CROCC: variants seen among roughly 807,000 people sequenced by gnomAD.
The protein encoded by CROCC is ciliary rootlet coiled-coil, rootletin.
In CROCC, 180 loss-of-function variants were observed where a neutral mutation model predicts 245.2. That is an observed-to-expected ratio of 0.73 (90% CI 0.65 to 0.83). The LOEUF is 0.83. CROCC is among the 40% of genes least tolerant of loss of function. CROCC has a pLI of 0.00. For missense variants in CROCC, 2,688 were observed against 2,779.4 expected, an observed-to-expected ratio of 0.97 and a Z score of 0.74; for synonymous variants, 1,205 against 1,241.6, an observed-to-expected ratio of 0.97 and a Z score of 0.62.
At chr1:16,958,136 T>C (rs985975350) in intron 25 of CROCC, among the ~76,000 whole-genome samples, 2 of 152,152 alleles carry the variant, frequency 1.3e-5, no homozygotes, top group Non-Finnish European at 2.9e-5. Context: ...ATCTGTTAGA[T>C]AGGGATAATG....
At chr1:16,916,687 T>C (rs1251516678) in intron 1 of CROCC, among the ~76,000 whole-genome samples, 1 of 152,278 alleles carries the variant, frequency 6.6e-6, no homozygotes, top group Non-Finnish European at 1.5e-5. Flanking sequence ...TTTTTTTTAT[T>C]TTTTTGGCAG....
intron 13 of CROCC, among the ~76,000 whole-genome samples, chr1:16,942,789 T>C (rs7519123): frequency 0.99 from 150,289 of 152,402 alleles, 74,097 homozygotes; most frequent in African/African-American, 1. Flanking sequence ...CATCCCATTT[T>C]GCATTCTGCT....
At position 16,936,746 on chromosome 1, in the gene CROCC, G is replaced by C; in HGVS notation, c.1066G>C (p.Ala356Pro). Residue 356 changes from alanine to proline, a missense_variant, in exon 9 of 37, where the codon GCC becomes CCC. Physicochemically the swap from Ala to Pro is conservative, Grantham distance 27 (BLOSUM62 -1). Around this residue, in one of 9 missense-constraint regions of CROCC, gnomAD observed 972 missense variants for 895.3 expected, o/e 1.09. Transcript: ENST00000375541. Reference sequence around the variant, plus strand: ...GCTGGCAGAGAGCCGGGCCGAGGCAGCCCTGGAGAAACAGGCCCTGCTGCA... The same window carrying C: ...GCTGGCAGAGAGCCGGGCCGAGGCACCCCTGGAGAAACAGGCCCTGCTGCA... ...LRLAESRAEA[A>P]LEKQALLQAQ... The C allele has an allele frequency of 6.2e-7, 1 of 1,610,592 alleles. No homozygotes were observed. Among genetic ancestry groups the C allele is most frequent in the Non-Finnish European group, 8.5e-7 (1 of 1,179,238 alleles).
chr1:16,938,846 G>GC lies in CROCC; in HGVS notation c.1375-60dup, dbSNP rs567065140. ...CCCCCAGCCTCACCTGGGCGTCTTT[G>GC]CCCAGCTAACCCCGCGGTTCCTAAC... On this transcript the variant is annotated intron_variant, in intron 11 of 36. Transcript: ENST00000375541. 744 of 1,508,150 alleles carry GC rather than the reference G, an allele frequency of 4.9e-4. 1 individual carries two copies. The South Asian group carries it at 8.4e-3, about 17-fold the overall frequency. 93.4% of individuals were successfully genotyped at this position (1,508,150 alleles called of 1,614,324 possible).
chr1:16,944,298 C>T lies in CROCC; in HGVS notation c.1991+16C>T, dbSNP rs1245980654. 1.1e-5 allele frequency: 17 copies of T among 1,520,420 alleles called. No individual in the cohort carries two copies. Among genetic ancestry groups the T allele is most frequent in the Admixed American group, 2.0e-5 (1 of 49,834 alleles). The allele number at this position is 1,520,420 out of a possible 1,614,324, so 94.2% of individuals were successfully genotyped here. On this transcript the variant is annotated intron_variant, in intron 14 of 36. Coordinates refer to ENST00000375541, the MANE Select transcript of CROCC (RefSeq NM_014675.5). ...TTGAGCGCAGGTGAGCAGCATCTCG[C>T]CACCCTGCCAGGACCCTTCAGATGT...
At position 16,969,201 on chromosome 1, in the gene CROCC, AG is replaced by A; in HGVS notation, c.5167del (p.Ala1723ProfsTer9). ...GCCCTGGCTAAGGTGGAGGAAAGCG[AG>A]GGGGCCCTGCGGGACAAGGTGCGGG... is the stretch of plus-strand genomic sequence containing the variant. ...NGALAKVEESEGALRDKVRGL... is the reference protein window; with the variant it reads ...NGALAKVEESXGALRDKVRGL... On this transcript the variant is annotated frameshift_variant, in exon 32 of 37. Transcript: ENST00000375541. LOFTEE classifies it high-confidence loss of function. 6.2e-7 allele frequency: 1 copy of A among 1,610,500 alleles called. No individual in the cohort carries two copies. The highest frequency in any genetic ancestry group is 8.5e-7 in the Non-Finnish European group (1 of 1,177,736).
Position 16,924,322 on chromosome 1 carries a change from C to G in CROCC, c.197-3C>G. 6.2e-7 allele frequency: 1 copy of G among 1,611,626 alleles called. No individual in the cohort carries two copies. ...CAACCATGTGCCCACTGTCCCTTGC[C>G]AGTCCTGCTGCCGGCCACAGAGATG... On this transcript the variant is annotated splice_polypyrimidine_tract_variant and splice_region_variant and intron_variant, in intron 2 of 36. Coordinates refer to ENST00000375541, the MANE Select transcript of CROCC (RefSeq NM_014675.5).
chr1:16,946,193 C>T, intron 15 of CROCC, 66 bp from the exon 16 acceptor site: 1 of 1,551,746 alleles, frequency 6.4e-7, no homozygotes, highest in South Asian at 1.2e-5. Context: ...TGGGTCTCTT[C>T]TTGGGCCTCC....
At chr1:16,934,808 A>AT (rs920344464) in intron 8 of CROCC, among the ~76,000 whole-genome samples, 5 of 132,634 alleles carry the variant, frequency 3.8e-5, no homozygotes, top group Admixed American at 7.3e-5. Flanking sequence ...ATATATACAG[A>AT]TTTTTTCTTT....
chr1:16,957,102 T>C (rs1434448357), intron 25 of CROCC, among the ~76,000 whole-genome samples: 3 of 152,106 alleles, frequency 2.0e-5, no homozygotes, highest in Non-Finnish European at 4.4e-5. Flanking sequence ...TGAAAACCTG[T>C]CTCTACTAAA....
rs748252301 is a variant in CROCC at position 16,936,720 on chromosome 1, G to A, written c.1040G>A (p.Arg347Gln). ...GGCCTGGGACTGAGCACGGGCCTAC[G>A]GCTGGCAGAGAGCCGGGCCGAGGCA... ...EAGLGLSTGL[R>Q]LAESRAEAAL... The change falls in exon 9 of 37, where the codon CGG (arginine) becomes CAG (glutamine). Residue 347 changes from arginine (R) to glutamine (Q), a missense_variant. Physicochemically the swap from Arg to Gln is conservative, Grantham distance 43. Transcript: ENST00000375541. The A allele has an allele frequency of 1.5e-5, 24 of 1,607,432 alleles. No homozygotes were observed. Among genetic ancestry groups the A allele is most frequent in the South Asian group, 1.3e-4 (12 of 90,292 alleles).
At chr1:16,920,090 ATAT>A (rs2075371748), upstream of CROCC, among the ~76,000 whole-genome samples, 2 of 125,290 alleles carry the variant, frequency 1.6e-5, no homozygotes, top group African/African-American at 5.6e-5. Flanking sequence ...TTATTTATTT[ATAT>A]TTTTGAGACG....
chr1:16,930,101 C>T lies in CROCC; in HGVS notation c.538-23C>T, dbSNP rs1328257777. On this transcript the variant is annotated intron_variant, in intron 4 of 36. Transcript: ENST00000375541. ...TTGCCCCGCCCCAACCCCTGGGGCT[C>T]ACCATCAGCTCCCCATCCCCAGATT... The T allele has an allele frequency of 1.9e-6, 3 of 1,580,916 alleles. No individual in the cohort carries two copies. In the South Asian group the frequency reaches 3.5e-5, roughly 18 times the overall value.
intron 20 of CROCC, among the ~76,000 whole-genome samples, chr1:16,952,346 G>C (rs113248820): frequency 4.6e-5 from 7 of 151,986 alleles, no homozygotes; most frequent in Admixed American, 1.3e-4. Context: ...TTAGCTGGGC[G>C]TGGTGGCACG....
At chr1:16,935,946 C>G (rs1305021473) in intron 8 of CROCC, among the ~76,000 whole-genome samples, 1 of 152,262 alleles carries the variant, frequency 6.6e-6, no homozygotes, top group Non-Finnish European at 1.5e-5. Context: ...CCTATGCATG[C>G]ATAGTTTTCA....
chr1:16,970,517 C>T (rs2076499021), intron 34 of CROCC, 64 bp downstream of exon 34: 9 of 1,492,722 alleles, frequency 6.0e-6, no homozygotes, highest in East Asian at 2.4e-5. Context: ...GATCCCACTG[C>T]ACATCCCCAG....
Position 16,970,271 on chromosome 1 carries a change from G to C in CROCC, c.5470G>C (p.Glu1824Gln). Residue 1824 changes from glutamate (E) to glutamine (Q), a missense_variant, in exon 34 of 37, where the codon GAG becomes CAG. Around this residue, in one of 9 missense-constraint regions of CROCC, gnomAD observed 1,218 missense variants for 1,286.3 expected, o/e 0.95. Coordinates refer to ENST00000375541, the MANE Select transcript of CROCC (RefSeq NM_014675.5). ...GTTGCAGGTGCTGCGGCAGCGGCAG[G>C]AGGGTGAGGCTGCAGCCCTGAACAC... ...QLREVLRQRQEGEAAALNTVQ... is the reference protein window; with the variant it reads ...QLREVLRQRQQGEAAALNTVQ... 1 of 1,561,948 alleles carries C rather than the reference G, an allele frequency of 6.4e-7. No individual in the cohort carries two copies. The highest frequency in any genetic ancestry group is 1.2e-5 in the South Asian group (1 of 85,810).
rs1184273021 is a variant in CROCC at position 16,969,865 on chromosome 1, G to T, written c.5382G>T (p.Leu1794Phe). 1 of 1,612,014 alleles carries T rather than the reference G, an allele frequency of 6.2e-7. No homozygotes were observed. The highest frequency in any genetic ancestry group is 8.5e-7 in the Non-Finnish European group (1 of 1,179,146). ...CCCTGGGCGAGCAGGTGCAGACGTT[G>T]CGAGGCGAGGTGGCTGACCTGGAAC... ...SSSLGEQVQT[L>F]RGEVADLELQ... The change falls in exon 33 of 37, where the codon TTG (leucine) becomes TTT (phenylalanine). Residue 1794 changes from leucine to phenylalanine, a missense_variant. By Grantham distance (22) the Leu-to-Phe change is conservative (BLOSUM62 0). Coordinates refer to ENST00000375541, the MANE Select transcript of CROCC (RefSeq NM_014675.5).
chr1:16,964,836 C>T (rs1176802080), intron 27 of CROCC, among the ~76,000 whole-genome samples: 1 of 152,236 alleles, frequency 6.6e-6, no homozygotes, highest in East Asian at 1.9e-4. Flanking sequence ...GTGCATGCCA[C>T]CACGCCCAGC....
Sources: allele counts gnomAD v4.1 joint callset (sites outside exome capture counted in the v4.1 genomes callset), GRCh38; gene constraint gnomAD v4.1.1; regional missense constraint gnomAD v4.1.1; transcripts MANE v1.5; gene names NCBI Gene and HGNC (gene_info 2026-07-23, HGNC 2026-07-21).